ATP2C1: variants seen among roughly 807,000 people sequenced by gnomAD.
ATP2C1 encodes calcium-transporting ATPase type 2C member 1.
ATP2C1 carries 31 observed loss-of-function variants against 120.5 expected under a neutral mutation model. The ratio of observed to expected loss-of-function variants is 0.26; its 90% confidence interval spans 0.19 to 0.35. The LOEUF (loss-of-function observed/expected upper bound fraction) is 0.35, where lower values mean the gene tolerates loss of function less well. Ranked by LOEUF, ATP2C1 falls within the 10% of genes least tolerant of loss-of-function variation. The pLI is 1.00. For synonymous variants in ATP2C1, 351 were observed against 358.7 expected, an observed-to-expected ratio of 0.98 and a Z score of 0.24; for missense variants, 731 against 1,107.5, an observed-to-expected ratio of 0.66 and a Z score of 4.83.
chr3:130,924,690 C>T (rs2108287780), intron 2 of ATP2C1, among the ~76,000 whole-genome samples: 1 of 152,238 alleles, frequency 6.6e-6, no homozygotes, highest in African/African-American at 2.4e-5. Flanking sequence ...TTCTTTTCTT[C>T]CTCAGGAACA....
At chr3:131,010,831 A>C (rs2063291895) in intron 26 of ATP2C1, among the ~76,000 whole-genome samples, 1 of 152,162 alleles carries the variant, frequency 6.6e-6, no homozygotes, top group Admixed American at 6.5e-5. Flanking sequence ...CTCTGGTCTC[A>C]CGTTGTCTTA....
At chr3:130,972,297 C>T (rs1168591025) in intron 17 of ATP2C1, among the ~76,000 whole-genome samples, 2 of 152,070 alleles carry the variant, frequency 1.3e-5, no homozygotes, top group Non-Finnish European at 2.9e-5. Context: ...TACTGGTCCA[C>T]TGCCTGGGAG....
chr3:130,908,902 A>T (rs1417338291), intron 2 of ATP2C1, among the ~76,000 whole-genome samples: 1 of 152,208 alleles, frequency 6.6e-6, no homozygotes, highest in Non-Finnish European at 1.5e-5. Flanking sequence ...ATTTGGAACC[A>T]TATTTTTCAT....
chr3:130,998,505 T>A, intron 26 of ATP2C1, 116 bp downstream of exon 26: 1 of 789,152 alleles, frequency 1.3e-6, no homozygotes, highest in Non-Finnish European at 2.2e-6. Flanking sequence ...TAGCCACAGA[T>A]TGCAGCCCCA....
chr3:130,940,631 A>T lies in ATP2C1; in HGVS notation c.362A>T (p.Glu121Val). The change falls in exon 7 of 28, where the codon GAA (glutamate) becomes GTA (valine). Residue 121 changes from glutamate to valine, a missense_variant and splice_region_variant. Around this residue, in one of 3 missense-constraint regions of ATP2C1, gnomAD observed 571 missense variants for 845.9 expected, o/e 0.67. Transcript: ENST00000510168. Reference protein sequence around the residue: ...LIVVTVAFVQEYRSEKSLEEL... With the variant: ...LIVVTVAFVQVYRSEKSLEEL... ...TTCTACTTTTTTTTGTTTGAATAGG[A>T]ATATCGTTCAGAAAAATCTCTTGAA... 6.2e-7 allele frequency: 1 copy of T among 1,603,694 alleles called. No individual in the cohort carries two copies. Among genetic ancestry groups the T allele is most frequent in the Non-Finnish European group, 8.5e-7 (1 of 1,170,874 alleles).
chr3:130,931,364 A>G (rs1175803304), intron 3 of ATP2C1, among the ~76,000 whole-genome samples: 1 of 152,126 alleles, frequency 6.6e-6, no homozygotes, highest in Non-Finnish European at 1.5e-5. Flanking sequence ...TGTTCCAAGA[A>G]GAAGTTCATC....
chr3:131,006,702 T>C (rs1420727658), downstream of ATP2C1, among the ~76,000 whole-genome samples: 1 of 151,346 alleles, frequency 6.6e-6, no homozygotes. Flanking sequence ...TTTTTTTTTT[T>C]GGCAGGGTGT....
chr3:131,003,093 T>G lies in ATP2C1; in HGVS notation c.*1743T>G. The stretch of plus-strand genomic sequence containing the variant: ...CAGATTATGACTTGATTGAAATAAA[T>G]GTGCCTATACATTCATTTGCTTTGT... On this transcript the variant is annotated 3_prime_UTR_variant, in exon 28 of 28. Transcript: ENST00000510168. 6 of 984,996 alleles carry G rather than the reference T, an allele frequency of 6.1e-6. No homozygotes were observed. The highest frequency in any genetic ancestry group is 7.2e-6 in the Non-Finnish European group (6 of 829,130). The allele number at this position is 984,996 out of a possible 1,614,324, so 61.0% of individuals were successfully genotyped here.
At position 130,969,281 on chromosome 3, in the gene ATP2C1, G is replaced by A; in HGVS notation, c.1309-11G>A. 6.3e-7 allele frequency: 1 copy of A among 1,587,578 alleles called. No homozygotes were observed. Among genetic ancestry groups the A allele is most frequent in the Non-Finnish European group, 8.6e-7 (1 of 1,156,088 alleles). On this transcript the variant is annotated splice_polypyrimidine_tract_variant and intron_variant, in intron 16 of 27. Coordinates refer to ENST00000510168, the MANE Select transcript of ATP2C1 (RefSeq NM_001378687.1). ...ATAGGTGAGAATTAACTTTCTCTTT[G>A]TGCCATATAGATGGGTCTTGATGGA...
In ATP2C1 at chr3:130,894,665, G is replaced by A; in HGVS notation, c.-105G>A. On this transcript the variant is annotated 5_prime_UTR_variant, in exon 2 of 28. Coordinates refer to ENST00000510168, the MANE Select transcript of ATP2C1 (RefSeq NM_001378687.1). The surrounding 1 kb of genome is among the most constrained non-coding windows in gnomAD (Gnocchi z 4.5). The stretch of plus-strand genomic sequence containing the variant: ...CGGGGGTGACAGCCTGGGATTCCGG[G>A]GGCTTCTCTTCCTTGTCCTCCTCCT... 1 of 1,610,668 alleles carries A rather than the reference G, an allele frequency of 6.2e-7. No individual in the cohort carries two copies. Among genetic ancestry groups the A allele is most frequent in the South Asian group, 1.1e-5 (1 of 90,900 alleles).
chr3:130,868,939 T>C (rs201966835), intron 1 of ATP2C1: 74,520 of 148,248 alleles, frequency 0.5, 23,084 homozygotes, highest in Non-Finnish European at 0.66. Context: ...CAGCGGCTCA[T>C]TGGGGATGGG....
intron 12 of ATP2C1, among the ~76,000 whole-genome samples, chr3:130,962,432 C>A (rs1415232117): frequency 6.6e-6 from 1 of 151,704 alleles, no homozygotes; most frequent in African/African-American, 2.4e-5. Flanking sequence ...TTTTTGAAAT[C>A]TGAAATCAAT....
rs1553783717 is a variant in ATP2C1, at chr3:131,001,305, C to G, written c.2715C>G (p.Ile905Met). ...IKKVERSREK[I>M]QKHVSSTSSS... ...AGGTTGAAAGGAGCAGGGAAAAGATCCAGAAGCATGTTAGTTCGACATCAT... is the reference window on the plus strand; with the variant it reads ...AGGTTGAAAGGAGCAGGGAAAAGATGCAGAAGCATGTTAGTTCGACATCAT... The change falls in exon 28 of 28, where the codon ATC (isoleucine) becomes ATG (methionine). Residue 905 changes from isoleucine (I) to methionine (M), a missense_variant. Coordinates refer to ENST00000510168, the MANE Select transcript of ATP2C1 (RefSeq NM_001378687.1). 1.9e-6 allele frequency: 3 copies of G among 1,613,496 alleles called. No homozygotes were observed. The highest frequency in any genetic ancestry group is 1.7e-5 in the Admixed American group (1 of 60,004).
intron 26 of ATP2C1, among the ~76,000 whole-genome samples, chr3:131,010,569 C>G (rs981245044): frequency 6.6e-6 from 1 of 152,102 alleles, no homozygotes; most frequent in African/African-American, 2.4e-5. Flanking sequence ...ACTCTCTGAA[C>G]ATAGGAAAAA....
At chr3:130,921,814 C>A (rs2058979442) in intron 2 of ATP2C1, among the ~76,000 whole-genome samples, 1 of 152,120 alleles carries the variant, frequency 6.6e-6, no homozygotes, top group African/African-American at 2.4e-5. Flanking sequence ...GTATGAAACC[C>A]ACTTGATCAT....
At chr3:130,875,712 C>T (rs575583133) in intron 1 of ATP2C1, among the ~76,000 whole-genome samples, 21 of 152,256 alleles carry the variant, frequency 1.4e-4, no homozygotes, top group East Asian at 1.2e-3. Context: ...TTTTCCATAA[C>T]GGCTGTACAA....
At chr3:130,936,523 C>G (rs1017087291) in intron 5 of ATP2C1, among the ~76,000 whole-genome samples, 2 of 152,086 alleles carry the variant, frequency 1.3e-5, no homozygotes, top group South Asian at 4.1e-4. Context: ...TTAAAATACT[C>G]CTCCCTAGGC....
chr3:131,001,468 T>C lies in ATP2C1; in HGVS notation c.*118T>C. On this transcript the variant is annotated 3_prime_UTR_variant, in exon 28 of 28. Transcript: ENST00000510168. ...TTTTTAACTATTCATTGACTAAAAA[T>C]GAACATTAATGTTAAAGACTTAAGA... 4 of 1,435,894 alleles carry C rather than the reference T, an allele frequency of 2.8e-6. No homozygotes were observed. Among genetic ancestry groups the C allele is most frequent in the East Asian group, 2.5e-5 (1 of 39,520 alleles). 88.9% of individuals were successfully genotyped at this position (1,435,894 alleles called of 1,614,324 possible). A position where few individuals can be genotyped will look rare whatever the true frequency, so the allele number is the denominator to read the frequency against.
At chr3:130,940,821 G>T in intron 7 of ATP2C1, 130 bp downstream of exon 7, 1 of 668,306 alleles carries the variant, frequency 1.5e-6, no homozygotes, top group Non-Finnish European at 2.6e-6. Context: ...GACACAAAAA[G>T]TTCCTGGTCT....
Sources: gnomAD v4.1 joint callset for allele counts (sites outside exome capture counted in the v4.1 genomes callset) on GRCh38, gnomAD v4.1.1 for gene constraint, gnomAD v4.1.1 regional missense constraint, Gnocchi (gnomAD v3.1) non-coding constraint, MANE v1.5 for transcripts, NCBI Gene and HGNC (gene_info 2026-07-23, HGNC 2026-07-21) for gene names.